The following PDE4B variants were observed in gnomAD, a reference collection of about 807,000 sequenced individuals.
PDE4B encodes 3',5'-cyclic-AMP phosphodiesterase 4B.
A neutral mutation model predicts 82.2 loss-of-function variants in PDE4B; 20 were observed. That is an observed-to-expected ratio of 0.24 (90% confidence interval 0.17 to 0.35). The LOEUF (loss-of-function observed/expected upper bound fraction) is 0.35, where lower values mean the gene tolerates loss of function less well. Among genes scored for constraint, PDE4B ranks in the 10% least tolerant of loss-of-function variants. The pLI is 1.00. For missense variants in PDE4B, 655 were observed against 907.2 expected, an observed-to-expected ratio of 0.72 and a Z score of 3.57; for synonymous variants, 320 against 318.9, an observed-to-expected ratio of 1.00 and a Z score of -0.04.
At chr1:66,148,625 C>A (rs1335331342) in intron 3 of PDE4B, among the ~76,000 whole-genome samples, 1 of 152,078 alleles carries the variant, frequency 6.6e-6, no homozygotes, top group African/African-American at 2.4e-5. Flanking sequence ...CCTAAGAAAC[C>A]CTTTATTAAC....
At chr1:65,909,777 T>C (rs1488472222) in intron 1 of PDE4B, among the ~76,000 whole-genome samples, 2 of 152,200 alleles carry the variant, frequency 1.3e-5, no homozygotes, top group Non-Finnish European at 2.9e-5. Context: ...ACCTGATCTG[T>C]CCTCTCACTT....
chr1:66,133,494 C>T (rs1049562893), intron 3 of PDE4B, among the ~76,000 whole-genome samples: 1 of 152,182 alleles, frequency 6.6e-6, no homozygotes, highest in Non-Finnish European at 1.5e-5. Flanking sequence ...TTAGGTCTTT[C>T]TGGCATTCTC....
At chr1:66,206,910 G>A (rs749598517) in intron 3 of PDE4B, among the ~76,000 whole-genome samples, 3 of 152,172 alleles carry the variant, frequency 2.0e-5, no homozygotes, top group Non-Finnish European at 4.4e-5. Context: ...GGAAAATTCT[G>A]CATTACAGCC....
chr1:65,946,619 A>G lies in PDE4B; in HGVS notation c.281+27784A>G, dbSNP rs140886586. Among the ~76,000 whole-genome samples, 119 of 152,112 alleles carry G rather than the reference A, an allele frequency of 7.8e-4. 1 individual carries two copies. Among genetic ancestry groups the G allele is most frequent in the African/African-American group, 2.8e-3 (115 of 41,532 alleles). On this transcript the variant is annotated intron_variant, in intron 3 of 16. Coordinates refer to ENST00000341517, the MANE Select transcript of PDE4B (RefSeq NM_002600.4). ...GGTATGCCAGGAATTGTTTATCAAT[A>G]GTTCATAGTCCTGTACTGTAGATGT...
chr1:65,866,338 TA>T (rs1463550704), intron 1 of PDE4B, among the ~76,000 whole-genome samples: 1 of 152,174 alleles, frequency 6.6e-6, no homozygotes, highest in Admixed American at 6.5e-5. Context: ...TGCATCCATA[TA>T]ACATGTAAGT....
At chr1:66,215,120 T>G (rs577389656) in intron 3 of PDE4B, among the ~76,000 whole-genome samples, 1 of 152,078 alleles carries the variant, frequency 6.6e-6, no homozygotes, top group South Asian at 2.1e-4. Flanking sequence ...GCCCAGGAGG[T>G]GCAAAGCTCA....
intron 3 of PDE4B, among the ~76,000 whole-genome samples, chr1:65,975,183 A>C (rs2100637321): frequency 6.6e-6 from 1 of 152,342 alleles, no homozygotes; most frequent in South Asian, 2.1e-4. Flanking sequence ...CTTATTCAGA[A>C]CTGGAGTAAA....
At chr1:66,106,940 C>T (rs1386973239) in intron 3 of PDE4B, among the ~76,000 whole-genome samples, 1 of 144,686 alleles carries the variant, frequency 6.9e-6, no homozygotes, top group Non-Finnish European at 1.5e-5. Context: ...CTATTTCCTT[C>T]AGTTCTGCTC....
rs369975967 is a variant in PDE4B at position 66,175,606 on chromosome 1, T to C, written c.282-71854T>C. ...TTAAGACTTTAAAAAAAGTATTCTT[T>C]TTTGGGCACCGTGGACATTTTTCTT... is the stretch of plus-strand genomic sequence containing the variant. On this transcript the variant is annotated intron_variant, in intron 3 of 16. Transcript: ENST00000341517. Among the ~76,000 whole-genome samples, 17 of 152,336 alleles carry C rather than the reference T, an allele frequency of 1.1e-4. No individual in the cohort carries two copies. The South Asian group carries it at 3.3e-3, about 30-fold the overall frequency.
intron 3 of PDE4B, among the ~76,000 whole-genome samples, chr1:65,957,908 C>T (rs1385562303): frequency 6.6e-6 from 1 of 151,992 alleles, no homozygotes; most frequent in African/African-American, 2.4e-5. Context: ...AATAACTTGT[C>T]TTGAGAATCT....
intron 8 of PDE4B, among the ~76,000 whole-genome samples, chr1:66,332,953 T>C (rs562973812): frequency 6.6e-6 from 1 of 152,222 alleles, no homozygotes; most frequent in South Asian, 2.1e-4. Context: ...TTTTTACAAT[T>C]ATCAGGAAGC....
intron 1 of PDE4B, among the ~76,000 whole-genome samples, chr1:65,851,014 A>G (rs547283557): frequency 3.9e-5 from 6 of 152,324 alleles, no homozygotes; most frequent in African/African-American, 1.4e-4. Flanking sequence ...GTATGTGAAT[A>G]TGAGTCCTCC....
chr1:66,368,874 G>A lies in PDE4B; in HGVS notation c.1750G>A (p.Glu584Lys). The A allele has an allele frequency of 6.2e-7, 1 of 1,613,620 alleles. No individual in the cohort carries two copies. Residue 584 changes from glutamate (E) to lysine (K), a missense_variant, in exon 16 of 17, where the codon GAG (glutamate) becomes AAG (lysine). Glu to Lys is a moderately conservative substitution (Grantham distance 56). Around this residue, in one of 3 missense-constraint regions of PDE4B, gnomAD observed 283 missense variants for 516.4 expected, o/e 0.55. Coordinates refer to ENST00000341517, the MANE Select transcript of PDE4B (RefSeq NM_002600.4). Reference sequence around the variant, plus strand: ...TCGGCAATGGACAGACCGCATCATGGAGGAATTTTTCCAGCAGGGAGACAA... The same window carrying A: ...TCGGCAATGGACAGACCGCATCATGAAGGAATTTTTCCAGCAGGGAGACAA... ...LYRQWTDRIM[E>K]EFFQQGDKER...
In PDE4B at chr1:65,935,824, C is replaced by A. The variant is rs529292479; in HGVS notation, c.281+16989C>A. On this transcript the variant is annotated intron_variant, in intron 3 of 16. Transcript: ENST00000341517. ...TGGTGGCATATGCCTGTAATCCCAGCTACTCAGGAGGCTGAGGCAGGAGAA... is the reference window on the plus strand; with the variant it reads ...TGGTGGCATATGCCTGTAATCCCAGATACTCAGGAGGCTGAGGCAGGAGAA... 1.6e-4 allele frequency among the ~76,000 whole-genome samples: 25 copies of A among 152,134 alleles called. No homozygotes were observed. In the South Asian group the frequency reaches 5.0e-3, roughly 30 times the overall value.
At chr1:66,342,454 A>T (rs371795426) in intron 8 of PDE4B, among the ~76,000 whole-genome samples, 47 of 152,062 alleles carry the variant, frequency 3.1e-4, no homozygotes, top group African/African-American at 1.1e-3. Context: ...TCACGCCTGT[A>T]ATCCCAGCAC....
chr1:66,349,807 A>G (rs1661685446), intron 8 of PDE4B, among the ~76,000 whole-genome samples: 1 of 152,152 alleles, frequency 6.6e-6, no homozygotes, highest in African/African-American at 2.4e-5. Context: ...AGACAAGCAC[A>G]CTATATCCCT....
intron 3 of PDE4B, among the ~76,000 whole-genome samples, chr1:66,007,461 C>A (rs1462674860): frequency 6.6e-6 from 1 of 151,944 alleles, no homozygotes; most frequent in Non-Finnish European, 1.5e-5. Context: ...CCCCCCCCAA[C>A]CAAAACCAAA....
chr1:66,038,494 C>G (rs888281199), intron 3 of PDE4B, among the ~76,000 whole-genome samples: 1 of 151,858 alleles, frequency 6.6e-6, no homozygotes, highest in African/African-American at 2.4e-5. Flanking sequence ...TGGCAACCCT[C>G]GGCATTCTTA....
intron 1 of PDE4B, among the ~76,000 whole-genome samples, chr1:65,873,190 C>T (rs1398045323): frequency 6.6e-6 from 1 of 152,130 alleles, no homozygotes; most frequent in Non-Finnish European, 1.5e-5. Flanking sequence ...AGTCCTTTTA[C>T]TCTGGCAAGA....
Sources: gnomAD v4.1 joint callset for allele counts (sites outside exome capture counted in the v4.1 genomes callset) on GRCh38, gnomAD v4.1.1 for gene constraint, gnomAD v4.1.1 regional missense constraint, MANE v1.5 for transcripts, NCBI Gene and HGNC (gene_info 2026-07-23, HGNC 2026-07-21) for gene names.